Variants in MEIOSIN observed in about 807,000 individuals in gnomAD.
MEIOSIN encodes meiosis initiator.
A neutral mutation model predicts 23.4 loss-of-function variants in MEIOSIN; 18 were observed. The observed-to-expected ratio is 0.77, with a 90% CI of 0.53 to 1.14. MEIOSIN has a LOEUF of 1.14. Ranked by LOEUF, MEIOSIN falls within the 50% of genes most tolerant of loss-of-function variation. The pLI, the probability that MEIOSIN is intolerant of heterozygous loss-of-function variation, is 0.00. For missense variants in MEIOSIN, 428 were observed against 242.9 expected, an observed-to-expected ratio of 1.76 and a Z score of -5.07; for synonymous variants, 187 against 100.6, an observed-to-expected ratio of 1.86 and a Z score of -5.14.
At chr19:45,737,438 G>A (rs1010112011) in intron 2 of MEIOSIN, among the ~76,000 whole-genome samples, 3 of 150,612 alleles carry the variant, frequency 2.0e-5, no homozygotes. Context: ...GCCTCCCAAA[G>A]TGCTGGGGTT....
chr19:45,758,779 T>A (rs1248919837), intron 9 of MEIOSIN, 99 bp from the exon 10 acceptor site: 2 of 622,364 alleles, frequency 3.2e-6, no homozygotes, highest in Non-Finnish European at 5.8e-6. Flanking sequence ...TGAGATTCGC[T>A]TTCCGTAGCA....
At chr19:45,763,864 G>C in intron 14 of MEIOSIN, 107 bp from the exon 15 acceptor site, 1 of 398,064 alleles carries the variant, frequency 2.5e-6, no homozygotes, top group Non-Finnish European at 4.4e-6. Context: ...CCCAATAGAG[G>C]CTAAAACGGT....
chr19:45,745,501 G>A (rs1968577281), intron 4 of MEIOSIN, among the ~76,000 whole-genome samples, 180 bp downstream of exon 4: 1 of 152,152 alleles, frequency 6.6e-6, no homozygotes, highest in African/African-American at 2.4e-5. Flanking sequence ...GGTGCCTGGA[G>A]GATCCTTTTT....
intron 3 of MEIOSIN, among the ~76,000 whole-genome samples, chr19:45,742,500 C>T (rs1286721819): frequency 1.3e-5 from 2 of 151,740 alleles, no homozygotes; most frequent in African/African-American, 4.8e-5. Context: ...AACAAGCAGG[C>T]CAGGCGCGGT....
In MEIOSIN at chr19:45,756,034, T is replaced by A; in HGVS notation, c.867T>A (p.Asp289Glu). 1 of 702,914 alleles carries A rather than the reference T, an allele frequency of 1.4e-6. No homozygotes were observed. 43.5% of individuals were successfully genotyped at this position (702,914 alleles called of 1,614,324 possible). A position where few individuals can be genotyped will look rare whatever the true frequency, so the allele number is the denominator to read the frequency against. ...APFPALLAQE[D>E]VARIHFLNKT... is the part of the protein sequence containing the mutation. ...TCCCTGCGCTCCTGGCTCAGGAAGA[T>A]GTGGCGAGGATCCATTTTCTCAACA... The change falls in exon 8 of 15, where the codon GAT becomes GAA. Residue 289 changes from aspartate to glutamate, a missense_variant. By Grantham distance (45) the Asp-to-Glu change is conservative (BLOSUM62 2). Transcript: ENST00000457052.
chr19:45,753,686 C>T lies in MEIOSIN; in HGVS notation c.454C>T (p.Arg152Trp), dbSNP rs371167580. The T allele has an allele frequency of 3.0e-5, 21 of 702,882 alleles. No individual in the cohort carries two copies. In the Admixed American group the frequency reaches 3.0e-4, roughly 10 times the overall value. The allele number at this position is 702,882 out of a possible 1,614,324, so 43.5% of individuals were successfully genotyped here. ...GQKPAWGPAR[R>W]RRHSTPSSSP... ...GAAACCAGCCTGGGGCCCAGCCAGG[C>T]GGAGGAGACACTCTACCCCCTCCAG... is the stretch of plus-strand genomic sequence containing the variant. Residue 152 changes from arginine (R) to tryptophan (W), a missense_variant, in exon 6 of 15, where the codon CGG (arginine) becomes TGG (tryptophan). Arg to Trp is a moderately radical substitution (Grantham distance 101). Coordinates refer to ENST00000457052, the MANE Select transcript of MEIOSIN (RefSeq NM_001310124.2).
At chr19:45,741,582 G>A (rs1022129860) in intron 3 of MEIOSIN, among the ~76,000 whole-genome samples, 2 of 151,968 alleles carry the variant, frequency 1.3e-5, no homozygotes, top group African/African-American at 2.4e-5. Flanking sequence ...CCTGTGGCGT[G>A]TGCCTGTAAT....
chr19:45,759,960 C>T (rs1393271477), intron 11 of MEIOSIN, among the ~76,000 whole-genome samples: 1 of 151,952 alleles, frequency 6.6e-6, no homozygotes, highest in African/African-American at 2.4e-5. Context: ...TGTCACCACA[C>T]CCGGCTAATT....
Position 45,762,072 on chromosome 19 carries a change from C to A in MEIOSIN, c.1568C>A (p.Ala523Asp), listed in dbSNP as rs1968956427. ...GCCACGAAGGGCCAAGTAGCCAGGG[C>A]CCCTGTGAAGCCCAAGGAGAAGAAG... ...KKATKGQVAR[A>D]PVKPKEKKKG... The change falls in exon 13 of 15, where the codon GCC becomes GAC. Residue 523 changes from alanine to aspartate, a missense_variant. By Grantham distance (126) the Ala-to-Asp change is moderately radical. Transcript: ENST00000457052. 2.1e-6 allele frequency: 1 copy of A among 469,962 alleles called. No individual in the cohort carries two copies. Among genetic ancestry groups the A allele is most frequent in the Non-Finnish European group, 3.7e-6 (1 of 266,728 alleles). 29.1% of individuals were successfully genotyped at this position (469,962 alleles called of 1,614,324 possible).
At position 45,733,766 on chromosome 19, in the gene MEIOSIN, T is replaced by G. The variant is rs1473196690; in HGVS notation, c.-1+100T>G. The G allele has an allele frequency of 3.3e-5, 5 of 152,078 alleles. No individual in the cohort carries two copies. The highest frequency in any genetic ancestry group is 9.7e-5 in the African/African-American group (4 of 41,386). 9.4% of individuals were successfully genotyped at this position (152,078 alleles called of 1,614,324 possible). A position where few individuals can be genotyped will look rare whatever the true frequency, so the allele number is the denominator to read the frequency against. Reference sequence around the variant, plus strand: ...CCCGGGATCCCCACAGGAGCTTCCCTCGGTGGGGGGCTCAGGGGAATAGAA... The same window carrying G: ...CCCGGGATCCCCACAGGAGCTTCCCGCGGTGGGGGGCTCAGGGGAATAGAA... On this transcript the variant is annotated intron_variant, in intron 1 of 14. Coordinates refer to ENST00000457052, the MANE Select transcript of MEIOSIN (RefSeq NM_001310124.2). The surrounding 1 kb of genome is among the most constrained non-coding windows in gnomAD (Gnocchi z 5.7).
At chr19:45,761,915 C>G (rs1468121078) in intron 12 of MEIOSIN, 24 bp from the exon 13 acceptor site, 1 of 608,926 alleles carries the variant, frequency 1.6e-6, no homozygotes, top group Non-Finnish European at 3.0e-6. Context: ...TCCTTCCTCT[C>G]TCACCACCCT....
intron 4 of MEIOSIN, among the ~76,000 whole-genome samples, chr19:45,746,337 C>T (rs1968595086): frequency 6.6e-6 from 1 of 152,128 alleles, no homozygotes; most frequent in African/African-American, 2.4e-5. Context: ...AGTTTGTTTC[C>T]TTTCTTTTTG....
At chr19:45,738,258 C>T (rs2146172978) in intron 2 of MEIOSIN, among the ~76,000 whole-genome samples, 1 of 152,324 alleles carries the variant, frequency 6.6e-6, no homozygotes, top group Admixed American at 6.5e-5. Context: ...ACTATCTCTT[C>T]ATTAACTCCA....
intron 7 of MEIOSIN, 72 bp downstream of exon 7, chr19:45,754,796 A>G: frequency 1.5e-6 from 1 of 687,826 alleles, no homozygotes; most frequent in South Asian, 1.5e-5. Flanking sequence ...GCTGTGTCCC[A>G]GACACAGTAC....
intron 3 of MEIOSIN, among the ~76,000 whole-genome samples, chr19:45,740,331 T>G (rs1359019357): frequency 6.6e-6 from 1 of 152,198 alleles, no homozygotes; most frequent in Non-Finnish European, 1.5e-5. Context: ...AACTAGGATT[T>G]GAATCCCAGT....
intron 8 of MEIOSIN, among the ~76,000 whole-genome samples, chr19:45,756,351 A>G (rs1968829269): frequency 6.6e-6 from 1 of 152,156 alleles, no homozygotes; most frequent in African/African-American, 2.4e-5. Flanking sequence ...TCCAACACAG[A>G]GACGTTGACC....
At chr19:45,749,671 C>CAAAAAAAAA (rs71175219) in intron 4 of MEIOSIN, among the ~76,000 whole-genome samples, 1 of 34,490 alleles carries the variant, frequency 2.9e-5, no homozygotes, top group Non-Finnish European at 4.8e-5. Context: ...GATTCTGTCT[C>CAAAAAAAAA]AAAAAAAAAA....
intron 9 of MEIOSIN, among the ~76,000 whole-genome samples, 159 bp from the exon 10 acceptor site, chr19:45,758,719 G>A (rs1045441717): frequency 2.0e-5 from 3 of 152,334 alleles, no homozygotes; most frequent in Admixed American, 6.5e-5. Context: ...GTGAGCCATC[G>A]CAGCCGGCTG....
chr19:45,759,153 C>G (rs935348622), intron 10 of MEIOSIN, 120 bp downstream of exon 10: 2 of 651,566 alleles, frequency 3.1e-6, no homozygotes, highest in Non-Finnish European at 5.6e-6. Context: ...CTCAAGGAGC[C>G]CACGGCCTAG....
Sources: gnomAD v4.1 joint callset for allele counts (sites outside exome capture counted in the v4.1 genomes callset) on GRCh38, gnomAD v4.1.1 for gene constraint, Gnocchi (gnomAD v3.1) non-coding constraint, MANE v1.5 for transcripts, NCBI Gene and HGNC (gene_info 2026-07-23, HGNC 2026-07-21) for gene names.